Variants in CIB4 observed in about 807,000 individuals in gnomAD.
The protein encoded by CIB4 is calcium and integrin-binding family member 4.
CIB4 carries 25 observed loss-of-function variants against 25.8 expected under a neutral mutation model. The observed-to-expected ratio is 0.97, with a 90% CI of 0.71 to 1.35. CIB4 has a LOEUF of 1.35. Among genes scored for constraint, CIB4 ranks in the 40% most tolerant of loss-of-function variants. The pLI is 0.00. For synonymous variants in CIB4, 75 were observed against 81.4 expected (o/e 0.92, Z 0.42); for missense variants, 235 against 228.2 (o/e 1.03, Z -0.19).
chr2:26,603,287 C>A (rs886091530), intron 3 of CIB4, among the ~76,000 whole-genome samples: 1 of 152,058 alleles, frequency 6.6e-6, no homozygotes. Context: ...GGGATCCTGA[C>A]ACAGATCAAA....
At chr2:26,595,741 G>C (rs542953692) in intron 3 of CIB4, among the ~76,000 whole-genome samples, 139 of 152,358 alleles carry the variant, frequency 9.1e-4, no homozygotes, top group African/African-American at 3.3e-3. Flanking sequence ...CAAGCCAACA[G>C]GCTCACTGCC....
intron 4 of CIB4, among the ~76,000 whole-genome samples, chr2:26,588,446 G>C (rs1382167575): frequency 1.3e-5 from 2 of 152,212 alleles, no homozygotes; most frequent in African/African-American, 2.4e-5. Context: ...GGAGGGGCTA[G>C]AGCCTTCTTC....
At chr2:26,633,664 A>G (rs1240463763) in intron 2 of CIB4, among the ~76,000 whole-genome samples, 3 of 152,212 alleles carry the variant, frequency 2.0e-5, no homozygotes, top group African/African-American at 7.2e-5. Flanking sequence ...AGCTGGCTCT[A>G]AATGGAACCC....
intron 4 of CIB4, 61 bp downstream of exon 4, chr2:26,595,115 G>T: frequency 6.6e-7 from 1 of 1,518,386 alleles, no homozygotes; most frequent in African/African-American, 1.4e-5. Flanking sequence ...ATGGAGTCCA[G>T]ATACGGTATG....
intron 4 of CIB4, among the ~76,000 whole-genome samples, chr2:26,585,635 G>A (rs933860107): frequency 5.3e-5 from 8 of 152,234 alleles, no homozygotes; most frequent in Admixed American, 3.9e-4. Flanking sequence ...TAATCCTTCA[G>A]AGATTATGAA....
intron 6 of CIB4, 72 bp from the exon 7 acceptor site, chr2:26,581,465 T>C: frequency 2.7e-6 from 4 of 1,460,416 alleles, no homozygotes; most frequent in Non-Finnish European, 2.9e-6. Flanking sequence ...GGGTTCACAG[T>C]AGTCCTGGAG....
chr2:26,585,390 G>A (rs1319683790), intron 4 of CIB4, among the ~76,000 whole-genome samples: 1 of 152,076 alleles, frequency 6.6e-6, no homozygotes, highest in East Asian at 1.9e-4. Context: ...AGCATCAGGG[G>A]TTAAGTCTGG....
chr2:26,590,350 G>GT (rs1668564369), intron 4 of CIB4, among the ~76,000 whole-genome samples: 1 of 149,480 alleles, frequency 6.7e-6, no homozygotes, highest in Non-Finnish European at 1.5e-5. Flanking sequence ...CTTCTTAGAC[G>GT]TTAAAGCACA....
At chr2:26,583,538 G>T (rs1668392009) in intron 5 of CIB4, among the ~76,000 whole-genome samples, 1 of 152,154 alleles carries the variant, frequency 6.6e-6, no homozygotes, top group Non-Finnish European at 1.5e-5. Context: ...ACCCTGGAAA[G>T]GACTTGGAGG....
intron 4 of CIB4, among the ~76,000 whole-genome samples, chr2:26,585,213 C>T (rs1187417787): frequency 6.6e-6 from 1 of 151,428 alleles, no homozygotes; most frequent in South Asian, 2.1e-4. Flanking sequence ...AGGCCACCAG[C>T]GGGCAGAGAC....
chr2:26,609,196 G>T lies in CIB4; in HGVS notation c.187-13879C>A, dbSNP rs184010088. ...GGGGGAAGGTGAGTCCTGTGAGTGG[G>T]GACGCCCCTCTGGTCTGAACAGGCC... On this transcript the variant is annotated intron_variant, in intron 3 of 6. Coordinates refer to ENST00000288861, the MANE Select transcript of CIB4 (RefSeq NM_001029881.3). Among the ~76,000 whole-genome samples, 190 of 152,266 alleles carry T rather than the reference G, an allele frequency of 1.2e-3. 1 individual carries two copies. The highest frequency in any genetic ancestry group is 4.4e-3 in the African/African-American group (183 of 41,552).
chr2:26,640,356 G>A (rs561904071), intron 2 of CIB4, among the ~76,000 whole-genome samples, 177 bp downstream of exon 2: 2 of 152,350 alleles, frequency 1.3e-5, no homozygotes, highest in South Asian at 4.1e-4. Context: ...GGGGCTCTGC[G>A]GATCGTGGCC....
At chr2:26,601,231 A>AAAAAAATAT (rs1395827334) in intron 3 of CIB4, among the ~76,000 whole-genome samples, 3 of 17,228 alleles carry the variant, frequency 1.7e-4, no homozygotes, top group African/African-American at 4.5e-4. Context: ...AAAAAAAAAA[A>AAAAAAATAT]ATATATATAT....
In CIB4 at chr2:26,581,305, G is replaced by A. The variant is rs1308084793; in HGVS notation, c.*58C>T. On this transcript the variant is annotated 3_prime_UTR_variant, in exon 7 of 7. Coordinates refer to ENST00000288861, the MANE Select transcript of CIB4 (RefSeq NM_001029881.3). ...CAAACCAGCTCCCTCCAGTGCTGGA[G>A]GGGGTTCGATTCCTGTGGTCTCCCT... 2 of 1,446,136 alleles carry A rather than the reference G, an allele frequency of 1.4e-6. No homozygotes were observed. Among genetic ancestry groups the A allele is most frequent in the Admixed American group, 3.4e-5 (2 of 59,688 alleles). 89.6% of individuals were successfully genotyped at this position (1,446,136 alleles called of 1,614,324 possible). A position where few individuals can be genotyped will look rare whatever the true frequency, so the allele number is the denominator to read the frequency against.
Position 26,582,484 on chromosome 2 carries a change from C to T in CIB4, c.527+341G>A, listed in dbSNP as rs1334575128. ...GATCCCCCCTGTAAACCCCTACCTC[C>T]CAGTTGGCCGCTGGAGGCAGTGGGG... On this transcript the variant is annotated intron_variant, in intron 6 of 6. Coordinates refer to ENST00000288861, the MANE Select transcript of CIB4 (RefSeq NM_001029881.3). Among the ~76,000 whole-genome samples the T allele has an allele frequency of 2.6e-5, 4 of 152,176 alleles. No homozygotes were observed. In the East Asian group the frequency reaches 5.8e-4, roughly 22 times the overall value.
intron 2 of CIB4, among the ~76,000 whole-genome samples, chr2:26,630,412 C>T (rs1669394820): frequency 6.6e-6 from 1 of 152,170 alleles, no homozygotes; most frequent in Non-Finnish European, 1.5e-5. Context: ...GGCTGTGTGA[C>T]CTCGGGCAAC....
chr2:26,640,708 T>A (rs1669619422), intron 1 of CIB4, 141 bp from the exon 2 acceptor site: 1 of 819,620 alleles, frequency 1.2e-6, no homozygotes, highest in South Asian at 1.7e-5. Flanking sequence ...TTGAGGTGGA[T>A]GCCTGAGGTG....
At chr2:26,589,296 CTCTCCT>C (rs1225818577) in intron 4 of CIB4, among the ~76,000 whole-genome samples, 4 of 149,490 alleles carry the variant, frequency 2.7e-5, no homozygotes, top group East Asian at 2.0e-4. Context: ...CCTCCTCCTC[CTCTCCT>C]TCTCCTTCTC....
At position 26,612,636 on chromosome 2, in the gene CIB4, T is replaced by C. The variant is rs927374592; in HGVS notation, c.186+16774A>G. On this transcript the variant is annotated intron_variant, in intron 3 of 6. Transcript: ENST00000288861. ...TGCTGGGAGCCTTCCCTTTTCTCGG[T>C]GATTCTTCCTCTTCCAGGAGGCCAT... 3.3e-5 allele frequency among the ~76,000 whole-genome samples: 5 copies of C among 151,992 alleles called. No individual in the cohort carries two copies. In the East Asian group the frequency reaches 9.6e-4, roughly 29 times the overall value.
Sources: allele counts gnomAD v4.1 joint callset (sites outside exome capture counted in the v4.1 genomes callset), GRCh38; gene constraint gnomAD v4.1.1; transcripts MANE v1.5; gene names NCBI Gene and HGNC (gene_info 2026-07-23, HGNC 2026-07-21).